DCDC2: variants seen among roughly 807,000 people sequenced by gnomAD.
DCDC2 encodes doublecortin domain containing 2.
DCDC2 carries 40 observed loss-of-function variants against 50.2 expected under a neutral mutation model. The ratio of observed to expected loss-of-function variants is 0.80; its 90% CI spans 0.62 to 1.04. The LOEUF is 1.04. DCDC2 is among the 50% of genes least tolerant of loss of function. DCDC2 has a pLI of 0.00. For missense variants in DCDC2, 570 were observed against 581.9 expected, an observed-to-expected ratio of 0.98 and a Z score of 0.21; for synonymous variants, 234 against 210.6, an observed-to-expected ratio of 1.11 and a Z score of -0.96.
intron 7 of DCDC2, among the ~76,000 whole-genome samples, chr6:24,237,149 CTG>C (rs1762460993): frequency 6.6e-6 from 1 of 151,430 alleles, no homozygotes; most frequent in African/African-American, 2.4e-5. Flanking sequence ...AATGAGATAA[CTG>C]TCTCACTCTA....
intron 7 of DCDC2, among the ~76,000 whole-genome samples, chr6:24,220,899 C>CGAGA (rs71002476): frequency 1.6e-3 from 191 of 115,840 alleles, no homozygotes; most frequent in African/African-American, 5.4e-3. Context: ...AGTGAGCGAG[C>CGAGA]GAGCGAGAGA....
intron 7 of DCDC2, among the ~76,000 whole-genome samples, chr6:24,210,585 A>G (rs1324535157): frequency 6.6e-6 from 1 of 152,168 alleles, no homozygotes; most frequent in Non-Finnish European, 1.5e-5. Context: ...ATTTATTTCT[A>G]TCTCCACTCC....
intron 9 of DCDC2, 104 bp downstream of exon 9, chr6:24,178,226 G>T (rs1227582206): frequency 3.4e-6 from 4 of 1,178,432 alleles, no homozygotes; most frequent in Non-Finnish European, 4.8e-6. Context: ...ACCACAAGTG[G>T]TTTCAATACA....
rs76372805 is a variant in DCDC2, at chr6:24,175,304, A to C, written c.1327-470T>G. On this transcript the variant is annotated intron_variant, in intron 9 of 9. Coordinates refer to ENST00000378454, the MANE Select transcript of DCDC2 (RefSeq NM_016356.5). ...AGATAAGAAAAAGACAGAAAATCAA[A>C]ATGTGGAGGCAGCATTTCTCCAACA... 9.9e-3 allele frequency among the ~76,000 whole-genome samples: 1,507 copies of C among 152,312 alleles called. 25 individuals are homozygous for C. The highest frequency in any genetic ancestry group is 0.034 in the African/African-American group (1,415 of 41,544).
chr6:24,188,719 T>C (rs9460974), intron 8 of DCDC2, among the ~76,000 whole-genome samples: 30,068 of 151,968 alleles, frequency 0.2, 3,299 homozygotes, highest in African/African-American at 0.26. Context: ...CTATGAGTAA[T>C]TGTGGAATGC....
intron 7 of DCDC2, among the ~76,000 whole-genome samples, chr6:24,249,114 C>A (rs1016007414): frequency 6.6e-6 from 1 of 152,014 alleles, no homozygotes; most frequent in African/African-American, 2.4e-5. Context: ...AAAAATAAGC[C>A]GCTCATTCTA....
At chr6:24,244,419 G>A (rs947395944) in intron 7 of DCDC2, among the ~76,000 whole-genome samples, 17 of 152,198 alleles carry the variant, frequency 1.1e-4, no homozygotes, top group African/African-American at 3.9e-4. Context: ...CCTGAGATGG[G>A]TAGAAATCAC....
At position 24,173,600 on chromosome 6, in the gene DCDC2, T is replaced by C. The variant is rs1008020054; in HGVS notation, c.*1130A>G. ...AATCAATTTAGTCAGTCCATGAAGT[T>C]GTGATTCAGGAATTGGTTTCATTAT... is the stretch of plus-strand genomic sequence containing the variant. On this transcript the variant is annotated 3_prime_UTR_variant, in exon 10 of 10. Coordinates refer to ENST00000378454, the MANE Select transcript of DCDC2 (RefSeq NM_016356.5). The C allele has an allele frequency of 1.3e-5, 2 of 152,206 alleles. No individual in the cohort carries two copies. Among genetic ancestry groups the C allele is most frequent in the Non-Finnish European group, 2.9e-5 (2 of 68,028 alleles). The allele number at this position is 152,206 out of a possible 1,614,324, so 9.4% of individuals were successfully genotyped here.
intron 2 of DCDC2, among the ~76,000 whole-genome samples, chr6:24,336,751 C>A: frequency 6.6e-6 from 1 of 151,446 alleles, no homozygotes. Flanking sequence ...AATACCCAGT[C>A]TTCAAGAAGT....
chr6:24,366,139 T>G, the DCDC2 span, among the ~76,000 whole-genome samples: 15 of 152,312 alleles, frequency 9.8e-5, no homozygotes, highest in African/African-American at 3.6e-4. Context: ...TTTACTACTT[T>G]CTTTATTTCC....
At chr6:24,224,966 C>T (rs897689478) in intron 7 of DCDC2, among the ~76,000 whole-genome samples, 2 of 152,166 alleles carry the variant, frequency 1.3e-5, no homozygotes, top group African/African-American at 4.8e-5. Flanking sequence ...AGTTATGCAA[C>T]CAATTAAAAA....
At chr6:24,332,969 G>A (rs1561778272) in intron 2 of DCDC2, among the ~76,000 whole-genome samples, 1 of 152,146 alleles carries the variant, frequency 6.6e-6, no homozygotes, top group African/African-American at 2.4e-5. Flanking sequence ...TGTAGCAAGT[G>A]CTGCAAAGGA....
rs556785511 is a variant in DCDC2 at position 24,230,845 on chromosome 6, T to C, written c.923-25743A>G. 2.0e-5 allele frequency among the ~76,000 whole-genome samples: 3 copies of C among 152,344 alleles called. No individual in the cohort carries two copies. The East Asian group carries it at 5.8e-4, about 29-fold the overall frequency. ...GGAATTCATTTAAATGCAAAAGTAC[T>C]AGCTCCTTATCCTTTTAAAAATTAT... On this transcript the variant is annotated intron_variant, in intron 7 of 9. Transcript: ENST00000378454.
At chr6:24,239,945 T>A (rs1762530991) in intron 7 of DCDC2, among the ~76,000 whole-genome samples, 2 of 152,222 alleles carry the variant, frequency 1.3e-5, no homozygotes, top group South Asian at 4.1e-4. Flanking sequence ...AATATCATTC[T>A]GTAAAACAAA....
At chr6:24,359,488 A>ATTATATATTATATATATTTT (rs71002485), upstream of DCDC2, among the ~76,000 whole-genome samples, 3 of 79,152 alleles carry the variant, frequency 3.8e-5, no homozygotes, top group Non-Finnish European at 6.6e-5. Flanking sequence ...TTTTATATAT[A>ATTATATATTATATATATTTT]ATATATTATA....
the DCDC2 span, among the ~76,000 whole-genome samples, chr6:24,364,773 G>A: frequency 5.3e-5 from 8 of 151,812 alleles, no homozygotes; most frequent in East Asian, 1.5e-3. Flanking sequence ...CAACCGAAGA[G>A]ATTCTAAGAC....
At chr6:24,199,332 CT>C (rs773652206) in intron 8 of DCDC2, among the ~76,000 whole-genome samples, 65 of 152,234 alleles carry the variant, frequency 4.3e-4, no homozygotes, top group Admixed American at 2.6e-3. Flanking sequence ...GCAATCTTTG[CT>C]GTTCTGCAGC....
chr6:24,333,823 G>C (rs942980826), intron 2 of DCDC2, among the ~76,000 whole-genome samples: 1 of 152,186 alleles, frequency 6.6e-6, no homozygotes, highest in Non-Finnish European at 1.5e-5. Context: ...AATCAGGCAA[G>C]GTGTACAGTA....
intron 2 of DCDC2, among the ~76,000 whole-genome samples, chr6:24,343,345 C>T (rs948058684): frequency 2.6e-5 from 4 of 152,180 alleles, no homozygotes; most frequent in African/African-American, 7.2e-5. Flanking sequence ...CACCGTGCCC[C>T]GCCTAAATAT....
Sources: allele counts gnomAD v4.1 joint callset (sites outside exome capture counted in the v4.1 genomes callset), GRCh38; gene constraint gnomAD v4.1.1; transcripts MANE v1.5; gene names NCBI Gene and HGNC (gene_info 2026-07-23, HGNC 2026-07-21).